The following BMP1 variants were observed in gnomAD, a reference collection of about 807,000 sequenced individuals.
BMP1 encodes the protein bone morphogenetic protein 1, also known as mammalian tolloid protein.
In BMP1, 63 loss-of-function variants were observed where a neutral mutation model predicts 116.8. The ratio of observed to expected loss-of-function variants is 0.54; its 90% CI spans 0.44 to 0.67. The LOEUF (loss-of-function observed/expected upper bound fraction) is 0.67. Among genes scored for constraint, BMP1 ranks in the 30% least tolerant of loss-of-function variants. The probability of loss-of-function intolerance (pLI) is 0.00; values close to 1 mark genes in which losing one functional copy is unlikely to be tolerated. For synonymous variants in BMP1, 536 were observed against 533.4 expected (o/e 1.00, Z -0.07); for missense variants, 1,183 against 1,358.9 (o/e 0.87, Z 2.04).
intron 16 of BMP1, among the ~76,000 whole-genome samples, chr8:22,204,838 C>A (rs1049231996): frequency 6.6e-6 from 1 of 151,450 alleles, no homozygotes; most frequent in Non-Finnish European, 1.5e-5. Flanking sequence ...GTGGCCATAG[C>A]GAGTGTTCTC....
intron 15 of BMP1, among the ~76,000 whole-genome samples, chr8:22,199,956 C>T (rs73670378): frequency 7.4e-4 from 113 of 152,332 alleles, no homozygotes; most frequent in African/African-American, 2.5e-3. Context: ...AGCCCATGTT[C>T]CAGCGCTTGG....
chr8:22,196,838 G>T lies in BMP1; in HGVS notation c.1924G>T (p.Asp642Tyr). ...QFDFFETEGNDVCKYDFVEVR... is the reference protein window; with the variant it reads ...QFDFFETEGNYVCKYDFVEVR... ...TGACTTCTTTGAGACAGAGGGCAAT[G>T]ATGTAAGTGCCCACCAGGGGCTGAG... The change falls in exon 14 of 20, where the codon GAT becomes TAT. Residue 642 changes from aspartate (D) to tyrosine (Y), a missense_variant and splice_region_variant. Around this residue, in one of 4 missense-constraint regions of BMP1, gnomAD observed 956 missense variants for 1,135.2 expected, o/e 0.84. Coordinates refer to ENST00000306385, the MANE Select transcript of BMP1 (RefSeq NM_006129.5). The T allele has an allele frequency of 6.2e-7, 1 of 1,612,566 alleles. No homozygotes were observed. The highest frequency in any genetic ancestry group is 8.5e-7 in the Non-Finnish European group (1 of 1,179,180).
chr8:22,199,179 C>T (rs267601851), intron 15 of BMP1: 37 of 1,367,516 alleles, frequency 2.7e-5, no homozygotes, highest in Non-Finnish European at 2.4e-5. Context: ...ATTGCCCCAT[C>T]GCACAAGAAA....
chr8:22,207,431 C>A lies in BMP1; in HGVS notation c.2490C>A (p.Val830=). The change falls in exon 18 of 20, where the codon GTC becomes GTA. Residue 830 remains valine (V), a synonymous_variant. Coordinates refer to ENST00000306385, the MANE Select transcript of BMP1 (RefSeq NM_006129.5). Reference sequence around the variant, plus strand: ...GTGGGAGCAAGAAGCCCGAGCCCGTCCTGGCCACAGGCAGCCGCATGTTCC... The same window carrying A: ...GTGGGAGCAAGAAGCCCGAGCCCGTACTGGCCACAGGCAGCCGCATGTTCC... ...RFCGSKKPEP[V]LATGSRMFLR... is the part of the protein sequence containing the mutation. 2 of 1,614,126 alleles carry A rather than the reference C, an allele frequency of 1.2e-6. No homozygotes were observed. Among genetic ancestry groups the A allele is most frequent in the Non-Finnish European group, 1.7e-6 (2 of 1,180,046 alleles).
intron 9 of BMP1, 80 bp from the exon 10 acceptor site, chr8:22,193,978 C>G: frequency 8.4e-7 from 1 of 1,187,392 alleles, no homozygotes; most frequent in East Asian, 2.3e-5. Context: ...GCCCAAGCAC[C>G]CAAGCCTCCT....
At position 22,195,053 on chromosome 8, in the gene BMP1, G is replaced by A. The variant is rs536465501; in HGVS notation, c.1639+134G>A. The A allele has an allele frequency of 1.1e-4, 105 of 981,570 alleles. No homozygotes were observed. In the African/African-American group the frequency reaches 1.6e-3, roughly 15 times the overall value. The allele number at this position is 981,570 out of a possible 1,614,324, so 60.8% of individuals were successfully genotyped here. On this transcript the variant is annotated intron_variant, in intron 12 of 19. Transcript: ENST00000306385. ...GACCCCAGGGCTGTGCCCTTAAGGA[G>A]CTCTGGGCTAGCTGGGGAGAAGAGG...
intron 1 of BMP1, among the ~76,000 whole-genome samples, chr8:22,165,941 C>A (rs1258877275): frequency 8.1e-6 from 1 of 124,116 alleles, no homozygotes; most frequent in Non-Finnish European, 1.8e-5. Context: ...TCCCCTTCTC[C>A]CCCATCTCTC....
chr8:22,194,248 C>T lies in BMP1; in HGVS notation c.1297+74C>T. The T allele has an allele frequency of 6.7e-7, 1 of 1,496,260 alleles. No individual in the cohort carries two copies. Among genetic ancestry groups the T allele is most frequent in the Non-Finnish European group, 9.3e-7 (1 of 1,074,716 alleles). 92.7% of individuals were successfully genotyped at this position (1,496,260 alleles called of 1,614,324 possible). A position where few individuals can be genotyped will look rare whatever the true frequency, so the allele number is the denominator to read the frequency against. Reference sequence around the variant, plus strand: ...GCATGGTAAAACAACTCCCTCCTGGCACCTGAGGGGCAAGATTGTGGGTTC... The same window carrying T: ...GCATGGTAAAACAACTCCCTCCTGGTACCTGAGGGGCAAGATTGTGGGTTC... On this transcript the variant is annotated intron_variant, in intron 10 of 19. Transcript: ENST00000306385. The surrounding 1 kb of genome is among the most constrained non-coding windows in gnomAD (Gnocchi z 4.5).
At chr8:22,174,521 C>T (rs1828374154) in intron 2 of BMP1, among the ~76,000 whole-genome samples, 1 of 152,064 alleles carries the variant, frequency 6.6e-6, no homozygotes, top group Non-Finnish European at 1.5e-5. Flanking sequence ...AGGGTGAAAG[C>T]TCCTCACTGC....
Position 22,177,941 on chromosome 8 carries a change from C to G in BMP1, c.820C>G (p.Arg274Gly). 6.2e-7 allele frequency: 1 copy of G among 1,611,604 alleles called. No individual in the cohort carries two copies. The highest frequency in any genetic ancestry group is 1.7e-5 in the Admixed American group (1 of 59,930). ...YDFDSIMHYA[R>G]NTFSRGIFLD... ...CTTCGACAGCATCATGCATTACGCT[C>G]GGAACACATTCTCCAGGTGGGAGAC... The change falls in exon 6 of 20, where the codon CGG becomes GGG. Residue 274 changes from arginine (R) to glycine (G), a missense_variant. By Grantham distance (125) the Arg-to-Gly change is moderately radical (BLOSUM62 -2). Around this residue, in one of 4 missense-constraint regions of BMP1, gnomAD observed 956 missense variants for 1,135.2 expected, o/e 0.84. Transcript: ENST00000306385.
chr8:22,207,237 C>G (rs1395992060), intron 17 of BMP1, 66 bp from the exon 18 acceptor site: 12 of 1,531,144 alleles, frequency 7.8e-6, no homozygotes, highest in Non-Finnish European at 1.1e-5. Flanking sequence ...GGTTTGGGGC[C>G]CTCATCCTTG....
At position 22,194,661 on chromosome 8, in the gene BMP1, G is replaced by T. The variant is rs905025920; in HGVS notation, c.1444-63G>T. 5.0e-6 allele frequency: 8 copies of T among 1,596,704 alleles called. No individual in the cohort carries two copies. Among genetic ancestry groups the T allele is most frequent in the Non-Finnish European group, 6.0e-6 (7 of 1,169,696 alleles). ...TCCCTGGGACAGCTGCCTCTCTTTG[G>T]GCTCCCAGGGGTGGGTCTCTGGCAG... On this transcript the variant is annotated intron_variant, in intron 11 of 19. Coordinates refer to ENST00000306385, the MANE Select transcript of BMP1 (RefSeq NM_006129.5). This position sits in a 1 kb window ranked among gnomAD's most constrained non-coding sequence, Gnocchi z 4.5.
intron 19 of BMP1, among the ~76,000 whole-genome samples, chr8:22,210,467 C>CACACACACACACA: frequency 8.4e-6 from 1 of 118,478 alleles, no homozygotes; most frequent in African/African-American, 6.2e-5. Flanking sequence ...CTCTCTCTCT[C>CACACACACACACA]TCACACACAT....
intron 16 of BMP1, among the ~76,000 whole-genome samples, chr8:22,205,491 C>T (rs972204945): frequency 1.3e-5 from 2 of 152,116 alleles, no homozygotes; most frequent in Admixed American, 6.6e-5. Flanking sequence ...AATTAAGAGG[C>T]CAGCCAGGCA....
At chr8:22,185,046 T>C (rs1332791402) in intron 8 of BMP1, among the ~76,000 whole-genome samples, 3 of 152,174 alleles carry the variant, frequency 2.0e-5, no homozygotes, top group Non-Finnish European at 4.4e-5. Flanking sequence ...CTGGAAAGCC[T>C]TCTTTTTGGA....
intron 15 of BMP1, chr8:22,201,473 T>C: frequency 7.1e-7 from 1 of 1,399,998 alleles, no homozygotes; most frequent in South Asian, 1.6e-5. Flanking sequence ...TCCTGCTCCT[T>C]TCTCTTGCAG....
chr8:22,194,643 G>A lies in BMP1; in HGVS notation c.1443+53G>A. 3 of 1,603,574 alleles carry A rather than the reference G, an allele frequency of 1.9e-6. No individual in the cohort carries two copies. The highest frequency in any genetic ancestry group is 2.6e-6 in the Non-Finnish European group (3 of 1,173,052). ...TTTGAATCCAGCAGTTGCTCCCTGG[G>A]ACAGCTGCCTCTCTTTGGGCTCCCA... On this transcript the variant is annotated intron_variant, in intron 11 of 19. Transcript: ENST00000306385. The surrounding 1 kb of genome is among the most constrained non-coding windows in gnomAD (Gnocchi z 4.5).
intron 15 of BMP1, among the ~76,000 whole-genome samples, chr8:22,198,178 T>C (rs1055764600): frequency 1.2e-4 from 18 of 152,134 alleles, no homozygotes; most frequent in Non-Finnish European, 2.2e-4. Context: ...AAAATTTTTT[T>C]AAAAAGGAGA....
chr8:22,180,938 G>T (rs775770680), intron 8 of BMP1, among the ~76,000 whole-genome samples: 1 of 152,102 alleles, frequency 6.6e-6, no homozygotes, highest in Admixed American at 6.5e-5. Context: ...TCAGCCTGAC[G>T]CTCAGCTCTC....
Sources: allele counts gnomAD v4.1 joint callset (sites outside exome capture counted in the v4.1 genomes callset), GRCh38; gene constraint gnomAD v4.1.1; regional missense constraint gnomAD v4.1.1; non-coding constraint Gnocchi (gnomAD v3.1); transcripts MANE v1.5; gene names NCBI Gene and HGNC (gene_info 2026-07-23, HGNC 2026-07-21).